Variants in TTC28 observed in about 807,000 individuals in gnomAD.
TTC28 encodes tetratricopeptide repeat protein 28.
In TTC28, 61 loss-of-function variants were observed where a neutral mutation model predicts 198.0. That is an observed-to-expected ratio of 0.31 (90% confidence interval 0.25 to 0.38). TTC28 has a LOEUF of 0.38. TTC28 is among the 10% of genes least tolerant of loss of function. The pLI is 1.00. For missense variants in TTC28, 2,678 were observed against 3,164.0 expected, an observed-to-expected ratio of 0.85 and a Z score of 3.69; for synonymous variants, 1,171 against 1,297.8, an observed-to-expected ratio of 0.90 and a Z score of 2.10.
chr22:28,629,113 T>C (rs1268283295), intron 2 of TTC28, among the ~76,000 whole-genome samples: 4 of 152,216 alleles, frequency 2.6e-5, no homozygotes, highest in Non-Finnish European at 4.4e-5. Flanking sequence ...AATGCTTTAT[T>C]AGAAAAAACA....
chr22:28,108,778 A>C (rs1307591569), intron 6 of TTC28, among the ~76,000 whole-genome samples: 1 of 152,254 alleles, frequency 6.6e-6, no homozygotes, highest in African/African-American at 2.4e-5. Context: ...CAATTTACTA[A>C]AATAGGCGAA....
intron 6 of TTC28, among the ~76,000 whole-genome samples, chr22:28,151,705 C>T (rs1169339390): frequency 2.0e-5 from 3 of 152,182 alleles, no homozygotes. Flanking sequence ...AAATCTCCTG[C>T]TTTGGTTGAT....
chr22:28,326,969 AACACAAACACACACACACACACACACAC>A (rs2045540691), intron 2 of TTC28, among the ~76,000 whole-genome samples: 3 of 91,486 alleles, frequency 3.3e-5, no homozygotes, highest in African/African-American at 1.2e-4. Flanking sequence ...AGCATACACA[AACACAAACACACACACACACACACACAC>A]ACACACACAC....
intron 2 of TTC28, among the ~76,000 whole-genome samples, chr22:28,436,780 C>A (rs1296653122): frequency 6.6e-6 from 1 of 152,270 alleles, no homozygotes; most frequent in Non-Finnish European, 1.5e-5. Context: ...CTTGGCTACA[C>A]AGCTGCTGAG....
chr22:28,210,149 C>A (rs1022840999), intron 5 of TTC28, among the ~76,000 whole-genome samples: 1 of 152,078 alleles, frequency 6.6e-6, no homozygotes, highest in Non-Finnish European at 1.5e-5. Flanking sequence ...TCACCATCAC[C>A]AAAGACCAAA....
chr22:28,621,344 A>G (rs1486409612), intron 2 of TTC28, among the ~76,000 whole-genome samples: 2 of 152,204 alleles, frequency 1.3e-5, no homozygotes, highest in Non-Finnish European at 2.9e-5. Flanking sequence ...TGAAACTATA[A>G]GAACCTGAAC....
chr22:28,328,525 G>A (rs972744329), intron 2 of TTC28, among the ~76,000 whole-genome samples: 2 of 151,808 alleles, frequency 1.3e-5, no homozygotes, highest in African/African-American at 4.8e-5. Flanking sequence ...AGGCCGAGGC[G>A]GGTGGATCAC....
At chr22:28,504,060 C>T (rs1417994807) in intron 2 of TTC28, among the ~76,000 whole-genome samples, 3 of 152,116 alleles carry the variant, frequency 2.0e-5, no homozygotes, top group Admixed American at 6.5e-5. Flanking sequence ...CATTTACAGA[C>T]TTTGATCTTT....
At chr22:28,671,508 G>C (rs1320330656) in intron 1 of TTC28, among the ~76,000 whole-genome samples, 1 of 151,406 alleles carries the variant, frequency 6.6e-6, no homozygotes, top group East Asian at 2.0e-4. Flanking sequence ...GGTGGCGGGA[G>C]CCTGTAGTCC....
intron 2 of TTC28, among the ~76,000 whole-genome samples, chr22:28,423,298 G>C (rs1447688650): frequency 6.6e-6 from 1 of 152,130 alleles, no homozygotes; most frequent in Non-Finnish European, 1.5e-5. Context: ...GCTGAGGCAG[G>C]AGGATTGCTT....
chr22:28,443,225 G>T (rs1473180500), intron 2 of TTC28, among the ~76,000 whole-genome samples: 1 of 152,196 alleles, frequency 6.6e-6, no homozygotes, highest in Non-Finnish European at 1.5e-5. Flanking sequence ...CTCCAAGCTG[G>T]CTGCAGAGAC....
At position 28,377,953 on chromosome 22, in the gene TTC28, A is replaced by T. The variant is rs150934863; in HGVS notation, c.382-71310T>A. Among the ~76,000 whole-genome samples, 141 of 152,332 alleles carry T rather than the reference A, an allele frequency of 9.3e-4. 3 individuals are homozygous for T. The highest frequency in any genetic ancestry group is 3.1e-3 in the African/African-American group (130 of 41,570). ...ATTATAACAATATTCTATATGTTCA[A>T]GAAGCTAGAAAAAAACACGAGCATG... On this transcript the variant is annotated intron_variant, in intron 2 of 22. Coordinates refer to ENST00000397906, the MANE Select transcript of TTC28 (RefSeq NM_001145418.2).
intron 12 of TTC28, among the ~76,000 whole-genome samples, chr22:28,039,909 C>T (rs1939544085): frequency 6.6e-6 from 1 of 152,028 alleles, no homozygotes; most frequent in Admixed American, 6.6e-5. Context: ...GGGATATCAC[C>T]ACTGGATCCC....
intron 5 of TTC28, among the ~76,000 whole-genome samples, chr22:28,223,886 G>A (rs1223815070): frequency 1.3e-5 from 2 of 152,136 alleles, no homozygotes; most frequent in Non-Finnish European, 2.9e-5. Context: ...CACGGGCTTT[G>A]GATTTTGGCG....
At chr22:27,990,336 G>A (rs988036375) in intron 20 of TTC28, among the ~76,000 whole-genome samples, 3 of 152,268 alleles carry the variant, frequency 2.0e-5, no homozygotes, top group Middle Eastern at 3.4e-3. Flanking sequence ...TAGGGGACCG[G>A]CCACCTCCCA....
At position 28,176,928 on chromosome 22, in the gene TTC28, C is replaced by T. The variant is rs180845646; in HGVS notation, c.934-13329G>A. Reference sequence around the variant, plus strand: ...GAAATGGATCAGACCTAAATGTAAACTGCAAAGCTACAAAATTCCAAGACA... The same window carrying T: ...GAAATGGATCAGACCTAAATGTAAATTGCAAAGCTACAAAATTCCAAGACA... On this transcript the variant is annotated intron_variant, in intron 5 of 22. Transcript: ENST00000397906. 9.3e-4 allele frequency among the ~76,000 whole-genome samples: 141 copies of T among 152,252 alleles called. 1 individual carries two copies. The highest frequency in any genetic ancestry group is 3.2e-3 in the African/African-American group (134 of 41,546).
At chr22:28,563,207 GTTT>G (rs1466378842) in intron 2 of TTC28, among the ~76,000 whole-genome samples, 1 of 152,150 alleles carries the variant, frequency 6.6e-6, no homozygotes, top group East Asian at 1.9e-4. Context: ...TTTTTTTAAA[GTTT>G]TTTGCTCAAT....
chr22:28,241,479 A>G (rs1929648966), intron 5 of TTC28, among the ~76,000 whole-genome samples: 1 of 152,090 alleles, frequency 6.6e-6, no homozygotes, highest in Non-Finnish European at 1.5e-5. Flanking sequence ...TTTGAGTATG[A>G]GCTATGGATT....
intron 2 of TTC28, among the ~76,000 whole-genome samples, chr22:28,355,652 C>G (rs1022438579): frequency 7.2e-5 from 11 of 152,178 alleles, no homozygotes; most frequent in African/African-American, 2.7e-4. Flanking sequence ...AAGTGGAAGC[C>G]AATTCATTCC....
Sources: allele counts gnomAD v4.1 joint callset (sites outside exome capture counted in the v4.1 genomes callset), GRCh38; gene constraint gnomAD v4.1.1; transcripts MANE v1.5; gene names NCBI Gene and HGNC (gene_info 2026-07-23, HGNC 2026-07-21).